COL9A1: variants seen among roughly 807,000 people sequenced by gnomAD.
The protein encoded by COL9A1 is collagen type IX alpha 1 chain.
In COL9A1, 104 loss-of-function variants were observed where a neutral mutation model predicts 142.6. The ratio of observed to expected loss-of-function variants is 0.73; its 90% confidence interval spans 0.62 to 0.86. The LOEUF is 0.86. COL9A1 is among the 40% of genes least tolerant of loss of function. The pLI, the probability that COL9A1 is intolerant of heterozygous loss-of-function variation, is 0.00. For synonymous variants in COL9A1, 466 were observed against 396.0 expected (o/e 1.18, Z -2.10); for missense variants, 1,210 against 1,176.6 (o/e 1.03, Z -0.42).
intron 18 of COL9A1, among the ~76,000 whole-genome samples, chr6:70,266,292 G>T (rs762113944): frequency 6.8e-6 from 1 of 147,718 alleles, no homozygotes; most frequent in Non-Finnish European, 1.5e-5. Flanking sequence ...CTTGAGATGA[G>T]AAGCTATAAG....
intron 10 of COL9A1, among the ~76,000 whole-genome samples, chr6:70,276,390 C>T (rs944215918): frequency 6.6e-6 from 1 of 152,158 alleles, no homozygotes; most frequent in Non-Finnish European, 1.5e-5. Context: ...AATTTTCATA[C>T]ACACAGTCAA....
chr6:70,246,910 T>C (rs1770645230), intron 28 of COL9A1, among the ~76,000 whole-genome samples: 1 of 152,196 alleles, frequency 6.6e-6, no homozygotes, highest in Non-Finnish European at 1.5e-5. Context: ...TGTTTCCTCA[T>C]CTATAAAGTG....
chr6:70,256,349 A>C (rs1771295542), intron 21 of COL9A1, among the ~76,000 whole-genome samples: 1 of 152,186 alleles, frequency 6.6e-6, no homozygotes, highest in South Asian at 2.1e-4. Context: ...TTTCCCTCCC[A>C]AAAACAGGCT....
intron 5 of COL9A1, among the ~76,000 whole-genome samples, chr6:70,293,631 TCA>T (rs3222430): frequency 0.24 from 32,744 of 137,420 alleles, 3,621 homozygotes; most frequent in Middle Eastern, 0.33. Context: ...TCTCTCTCTT[TCA>T]CACACACACA....
rs2881343 is a variant in COL9A1 at position 70,217,230 on chromosome 6, G to C, written c.2582-149C>G. ...ATGACTGGTGATGATTGGTGATGAT[G>C]ATGATGATGATGATAATAAGATCCC... On this transcript the variant is annotated intron_variant, in intron 37 of 37. Coordinates refer to ENST00000357250, the MANE Select transcript of COL9A1 (RefSeq NM_001851.6). The C allele has an allele frequency of 0.17, 125,388 of 719,540 alleles. 11,733 individuals are homozygous for C. The highest frequency in any genetic ancestry group is 0.27 in the African/African-American group (15,191 of 57,076). The allele number at this position is 719,540 out of a possible 1,614,324, so 44.6% of individuals were successfully genotyped here. A position where few individuals can be genotyped will look rare whatever the true frequency, so the allele number is the denominator to read the frequency against.
At chr6:70,283,954 G>T (rs985497472) in intron 5 of COL9A1, 134 bp from the exon 6 acceptor site, 3 of 735,270 alleles carry the variant, frequency 4.1e-6, no homozygotes, top group East Asian at 5.4e-5. Flanking sequence ...ACTGGACCAG[G>T]ACTCTTGCTT....
At chr6:70,261,207 G>A (rs1771664413) in intron 19 of COL9A1, 1 of 158,750 alleles carries the variant, frequency 6.3e-6, no homozygotes. Flanking sequence ...TCAATCCCTT[G>A]TAGTCACTAT....
intron 6 of COL9A1, chr6:70,283,246 G>C: frequency 1.4e-6 from 2 of 1,445,672 alleles, no homozygotes; most frequent in Non-Finnish European, 1.8e-6. Flanking sequence ...AGAGGGTCCT[G>C]GGATTGGAGG....
chr6:70,232,841 T>C (rs1769644046), intron 35 of COL9A1, 70 bp from the exon 36 acceptor site: 1 of 1,456,250 alleles, frequency 6.9e-7, no homozygotes, highest in South Asian at 1.2e-5. Flanking sequence ...AAAAGAGAGG[T>C]ATTCCAAATG....
intron 36 of COL9A1, among the ~76,000 whole-genome samples, chr6:70,230,400 G>T (rs867468211): frequency 4.6e-5 from 7 of 152,076 alleles, no homozygotes; most frequent in Non-Finnish European, 1.0e-4. Flanking sequence ...ATCTGATAAC[G>T]AGAAAGGGAT....
chr6:70,262,717 C>A (rs1771769587), intron 19 of COL9A1, among the ~76,000 whole-genome samples: 2 of 152,156 alleles, frequency 1.3e-5, no homozygotes, highest in Admixed American at 1.3e-4. Context: ...GATGATGCCC[C>A]AAATCACCTT....
Position 70,232,612 on chromosome 6 carries a change from G to A in COL9A1, c.2474C>T (p.Pro825Leu), listed in dbSNP as rs1225155570. The change falls in exon 36 of 38, where the codon CCT becomes CTT. Residue 825 changes from proline to leucine, a missense_variant. Physicochemically the swap from Pro to Leu is moderately conservative, Grantham distance 98. Coordinates refer to ENST00000357250, the MANE Select transcript of COL9A1 (RefSeq NM_001851.6). The part of the protein sequence containing the change: ...IRGLPGIKGP[P>L]GALGLRGPKG... ...AGGTCCCCTCAAACCAAGAGCACCA[G>A]GGGGCCCCTTAATGCCCGGAAGGCC... The A allele has an allele frequency of 1.2e-6, 2 of 1,613,954 alleles. No individual in the cohort carries two copies. Among genetic ancestry groups the A allele is most frequent in the Non-Finnish European group, 1.7e-6 (2 of 1,180,020 alleles).
At chr6:70,274,547 C>T (rs1772624966) in intron 11 of COL9A1, among the ~76,000 whole-genome samples, 172 bp downstream of exon 11, 1 of 151,478 alleles carries the variant, frequency 6.6e-6, no homozygotes, top group African/African-American at 2.4e-5. Context: ...TGATCTTGTT[C>T]CTTTTTATGG....
intron 14 of COL9A1, among the ~76,000 whole-genome samples, chr6:70,271,183 G>A (rs1330757955): frequency 2.0e-5 from 3 of 152,144 alleles, no homozygotes; most frequent in Non-Finnish European, 2.9e-5. Flanking sequence ...TTTTTGAAAT[G>A]TTTACTTAAT....
In COL9A1 at chr6:70,294,332, A is replaced by T; in HGVS notation, c.531T>A (p.Asp177Glu). ...AAFSNLSSLFDSQWHKIMIGV... is the reference protein window; with the variant it reads ...AAFSNLSSLFESQWHKIMIGV... Reference sequence around the variant, plus strand: ...CAATCATGATCTTATGCCACTGGGAATCAAACAAGGAGGACAAATTCGAAA... The same window carrying T: ...CAATCATGATCTTATGCCACTGGGATTCAAACAAGGAGGACAAATTCGAAA... Residue 177 changes from aspartate (D) to glutamate (E), a missense_variant, in exon 5 of 38, where the codon GAT (aspartate) becomes GAA (glutamate). Transcript: ENST00000357250. 1 of 1,614,096 alleles carries T rather than the reference A, an allele frequency of 6.2e-7. No homozygotes were observed. Among genetic ancestry groups the T allele is most frequent in the Non-Finnish European group, 8.5e-7 (1 of 1,179,954 alleles).
At chr6:70,258,231 A>G (rs1358767140) in intron 20 of COL9A1, among the ~76,000 whole-genome samples, 2 of 152,224 alleles carry the variant, frequency 1.3e-5, no homozygotes, top group Non-Finnish European at 2.9e-5. Flanking sequence ...TACTAAGTGA[A>G]TAAAAAGGCA....
At chr6:70,265,236 G>A (rs1457207078) in intron 18 of COL9A1, among the ~76,000 whole-genome samples, 3 of 152,078 alleles carry the variant, frequency 2.0e-5, no homozygotes, top group African/African-American at 7.2e-5. Flanking sequence ...AAAGTGGAGA[G>A]GCATCTGGAT....
chr6:70,278,416 A>C (rs1270972798), intron 10 of COL9A1, among the ~76,000 whole-genome samples: 1 of 152,238 alleles, frequency 6.6e-6, no homozygotes, highest in African/African-American at 2.4e-5. Flanking sequence ...TATGGAAAGT[A>C]ATATTAGACT....
Position 70,272,056 on chromosome 6 carries a change from G to C in COL9A1, c.1089+9C>G, listed in dbSNP as rs142247988. 2.6e-3 allele frequency: 4,210 copies of C among 1,611,134 alleles called. 8 individuals are homozygous for C. Among genetic ancestry groups the C allele is most frequent in the Non-Finnish European group, 3.1e-3 (3,640 of 1,177,734 alleles). On this transcript the variant is annotated intron_variant, in intron 13 of 37. Coordinates refer to ENST00000357250, the MANE Select transcript of COL9A1 (RefSeq NM_001851.6). ...ACTGCATAAAAATAAATGATGAAGT[G>C]ATACTTACAGGGGGTCCAGGAATAC...
Sources: gnomAD v4.1 joint callset for allele counts (sites outside exome capture counted in the v4.1 genomes callset) on GRCh38, gnomAD v4.1.1 for gene constraint, MANE v1.5 for transcripts, NCBI Gene and HGNC (gene_info 2026-07-23, HGNC 2026-07-21) for gene names.